The following ITK variants were observed in gnomAD, a reference collection of about 807,000 sequenced individuals.
ITK encodes the protein IL2 inducible T cell kinase.
ITK carries 45 observed loss-of-function variants against 87.6 expected under a neutral mutation model. The ratio of observed to expected loss-of-function variants is 0.51; its 90% CI spans 0.40 to 0.66. The LOEUF is 0.66. Among genes scored for constraint, ITK ranks in the 30% least tolerant of loss-of-function variants. ITK has a pLI of 0.00. For missense variants in ITK, 605 were observed against 766.3 expected (o/e 0.79, Z 2.48); for synonymous variants, 303 against 273.6 (o/e 1.11, Z -1.06).
chr5:157,190,528 A>T (rs1377606355), intron 1 of ITK, among the ~76,000 whole-genome samples: 1 of 152,212 alleles, frequency 6.6e-6, no homozygotes, highest in African/African-American at 2.4e-5. Context: ...GAGGTCAATT[A>T]CTTGTGCACC....
In ITK at chr5:157,244,607, C is replaced by T. The variant is rs1348136416; in HGVS notation, c.1449+129C>T. On this transcript the variant is annotated intron_variant, in intron 13 of 16. Coordinates refer to ENST00000422843, the MANE Select transcript of ITK (RefSeq NM_005546.4). ...CTTTCCTTTCTCAACTTCTCCCTTC[C>T]TTCACCTACTTTGGGTGGTCCTAGT... 4.2e-6 allele frequency: 3 copies of T among 717,012 alleles called. No homozygotes were observed. The African/African-American group carries it at 5.2e-5, about 12-fold the overall frequency. 44.4% of individuals were successfully genotyped at this position (717,012 alleles called of 1,614,324 possible).
intron 5 of ITK, among the ~76,000 whole-genome samples, chr5:157,219,062 A>G (rs1344687413): frequency 6.6e-6 from 1 of 150,698 alleles, no homozygotes; most frequent in East Asian, 1.9e-4. Flanking sequence ...TTAGGTAGGG[A>G]ATATGACCCT....
At chr5:157,228,481 C>T in intron 7 of ITK, 120 bp downstream of exon 7, 1 of 705,746 alleles carries the variant, frequency 1.4e-6, no homozygotes, top group Admixed American at 2.1e-5. Flanking sequence ...GCAATGTTCA[C>T]ACATACCATC....
intron 12 of ITK, 52 bp downstream of exon 12, chr5:157,243,846 A>T (rs575875062): frequency 1.3e-6 from 2 of 1,554,378 alleles, no homozygotes; most frequent in South Asian, 2.2e-5. Context: ...ACATCGGTTC[A>T]GTGTTCTTGA....
chr5:157,199,402 G>A (rs1293625357), intron 1 of ITK: 2 of 152,190 alleles, frequency 1.3e-5, no homozygotes, highest in African/African-American at 4.8e-5. Flanking sequence ...CAATGTTGTT[G>A]GAGCAAAGAG....
chr5:157,222,793 C>A, intron 5 of ITK, 70 bp from the exon 6 acceptor site: 2 of 1,495,566 alleles, frequency 1.3e-6, no homozygotes, highest in South Asian at 1.1e-5. Flanking sequence ...TCCCCAGACA[C>A]CCCGATGAAA....
intron 1 of ITK, among the ~76,000 whole-genome samples, chr5:157,196,419 G>A (rs1753856565): frequency 6.6e-6 from 1 of 152,148 alleles, no homozygotes; most frequent in African/African-American, 2.4e-5. Context: ...TGTTGTTATA[G>A]TGACATTAAG....
chr5:157,188,587 G>A (rs1393903403), intron 1 of ITK, among the ~76,000 whole-genome samples: 1 of 152,014 alleles, frequency 6.6e-6, no homozygotes, highest in East Asian at 1.9e-4. Flanking sequence ...TGTTTCCACT[G>A]TCTCAAACAC....
At chr5:157,238,626 C>T (rs1378056138) in intron 9 of ITK, among the ~76,000 whole-genome samples, 1 of 152,070 alleles carries the variant, frequency 6.6e-6, no homozygotes, top group African/African-American at 2.4e-5. Flanking sequence ...ATTTCCAATC[C>T]TAAGAAGCCC....
chr5:157,198,418 C>T (rs562558111), intron 1 of ITK, among the ~76,000 whole-genome samples: 2 of 151,996 alleles, frequency 1.3e-5, no homozygotes, highest in East Asian at 1.9e-4. Context: ...AATTGTTTTC[C>T]TCATAGCACA....
chr5:157,224,998 C>T (rs555833094), intron 6 of ITK, among the ~76,000 whole-genome samples: 1 of 151,594 alleles, frequency 6.6e-6, no homozygotes, highest in African/African-American at 2.4e-5. Context: ...CATTAGTTTT[C>T]CTTTTCTTTT....
intron 1 of ITK, among the ~76,000 whole-genome samples, chr5:157,192,053 G>C (rs1580875528): frequency 6.6e-6 from 1 of 152,238 alleles, no homozygotes; most frequent in African/African-American, 2.4e-5. Context: ...TTTCTAAAAA[G>C]GAACTAATAG....
intron 1 of ITK, among the ~76,000 whole-genome samples, chr5:157,203,871 T>C (rs1168751688): frequency 2.0e-5 from 3 of 152,220 alleles, no homozygotes; most frequent in Non-Finnish European, 4.4e-5. Flanking sequence ...TTCCTTTATA[T>C]ATACCCTATA....
chr5:157,229,237 C>G (rs1754598458), intron 7 of ITK, among the ~76,000 whole-genome samples: 1 of 152,206 alleles, frequency 6.6e-6, no homozygotes, highest in Admixed American at 6.5e-5. Context: ...CAATGAATGT[C>G]ACCACTAGCA....
chr5:157,208,591 T>C (rs961629917), intron 1 of ITK, among the ~76,000 whole-genome samples: 1 of 152,200 alleles, frequency 6.6e-6, no homozygotes, highest in African/African-American at 2.4e-5. Context: ...GCATCTCAGC[T>C]ACAAGTTCTG....
intron 7 of ITK, among the ~76,000 whole-genome samples, chr5:157,229,050 A>C (rs1374850036): frequency 6.6e-6 from 1 of 152,252 alleles, no homozygotes; most frequent in Admixed American, 6.5e-5. Flanking sequence ...ATAGACTACA[A>C]ACCATTGAAT....
intron 1 of ITK, among the ~76,000 whole-genome samples, chr5:157,187,169 C>T (rs1473181925): frequency 6.6e-6 from 1 of 152,246 alleles, no homozygotes; most frequent in African/African-American, 2.4e-5. Context: ...TCTACCACAG[C>T]ACCAGGTGTC....
intron 1 of ITK, among the ~76,000 whole-genome samples, chr5:157,207,071 A>AT (rs1028839630): frequency 2.0e-5 from 3 of 152,110 alleles, no homozygotes; most frequent in African/African-American, 7.2e-5. Flanking sequence ...TCACCTTTAA[A>AT]TTTTTTTAAA....
In ITK at chr5:157,184,732, A is replaced by G. The variant is rs75056927; in HGVS notation, c.138+3617A>G. 4.7e-3 allele frequency among the ~76,000 whole-genome samples: 721 copies of G among 152,336 alleles called. 6 individuals carry two copies. The highest frequency in any genetic ancestry group is 0.016 in the African/African-American group (677 of 41,584). On this transcript the variant is annotated intron_variant, in intron 1 of 16. Transcript: ENST00000422843. Reference sequence around the variant, plus strand: ...GTGATGTTGAGTATTTCATGAGAAAAGTATGTTATAAGCTTTTTACCAATT... The same window carrying G: ...GTGATGTTGAGTATTTCATGAGAAAGGTATGTTATAAGCTTTTTACCAATT...
Sources: gnomAD v4.1 joint callset for allele counts (sites outside exome capture counted in the v4.1 genomes callset) on GRCh38, gnomAD v4.1.1 for gene constraint, MANE v1.5 for transcripts, NCBI Gene and HGNC (gene_info 2026-07-23, HGNC 2026-07-21) for gene names.